Variants in CDAN1 observed in about 807,000 individuals in gnomAD.
CDAN1 encodes codanin 1.
Under a neutral mutation model 139.8 loss-of-function variants are expected in CDAN1, and 107 were observed. That is an observed-to-expected ratio of 0.77 (90% CI 0.65 to 0.90). CDAN1 has a LOEUF of 0.90. Among genes scored for constraint, CDAN1 ranks in the 40% least tolerant of loss-of-function variants. The pLI is 0.00. For synonymous variants in CDAN1, 776 were observed against 660.6 expected (o/e 1.17, Z -2.68); for missense variants, 1,667 against 1,575.7 (o/e 1.06, Z -0.98).
chr15:42,735,024 G>T, intron 6 of CDAN1, 76 bp downstream of exon 6: 1 of 982,830 alleles, frequency 1.0e-6, no homozygotes, highest in Non-Finnish European at 1.6e-6. Context: ...TTAAGCACCA[G>T]CATATATCCC....
Position 42,736,297 on chromosome 15 carries a change from C to A in CDAN1, c.569+5G>T. On this transcript the variant is annotated splice_donor_5th_base_variant and intron_variant, in intron 2 of 27. Coordinates refer to ENST00000356231, the MANE Select transcript of CDAN1 (RefSeq NM_138477.4). ...CCCATCTCCTGCATGAGAGCTGAGTCTCACCCTGTAGGGCCGGGGGGAACC... is the reference window on the plus strand; with the variant it reads ...CCCATCTCCTGCATGAGAGCTGAGTATCACCCTGTAGGGCCGGGGGGAACC... The A allele has an allele frequency of 6.2e-7, 1 of 1,613,570 alleles. No homozygotes were observed. Among genetic ancestry groups the A allele is most frequent in the South Asian group, 1.1e-5 (1 of 91,062 alleles).
At chr15:42,733,070 C>CAAGA (rs775021172) in intron 9 of CDAN1, 27 bp downstream of exon 9, 1 of 1,607,650 alleles carries the variant, frequency 6.2e-7, no homozygotes, top group Non-Finnish European at 8.5e-7. Context: ...TTGCCAGGAA[C>CAAGA]AAGAAAGACA....
At chr15:42,732,258 C>A (rs2140492302) in intron 10 of CDAN1, 75 bp downstream of exon 10, 1 of 1,395,264 alleles carries the variant, frequency 7.2e-7, no homozygotes, top group Non-Finnish European at 1.0e-6. Flanking sequence ...TGCCCTATCC[C>A]AAAGTGCAGC....
At chr15:42,733,007 GAA>G in intron 9 of CDAN1, 88 bp downstream of exon 9, 1 of 1,050,862 alleles carries the variant, frequency 9.5e-7, no homozygotes, top group Non-Finnish European at 1.4e-6. Context: ...TAGGAGCGGG[GAA>G]AACCTTCCCT....
At chr15:42,734,937 G>A (rs2061667940) in intron 6 of CDAN1, among the ~76,000 whole-genome samples, 163 bp downstream of exon 6, 1 of 151,874 alleles carries the variant, frequency 6.6e-6, no homozygotes, top group South Asian at 2.1e-4. Context: ...ATTCTTTCAG[G>A]GACTACATTC....
chr15:42,732,639 C>G (rs1337972707), intron 9 of CDAN1, among the ~76,000 whole-genome samples: 1 of 152,174 alleles, frequency 6.6e-6, no homozygotes, highest in Admixed American at 6.5e-5. Flanking sequence ...GACCACACCC[C>G]CCGACCGTCT....
rs2061498131 is a variant in CDAN1, at chr15:42,724,555, T to A, written c.3620A>T (p.Glu1207Val). The A allele has an allele frequency of 6.4e-7, 1 of 1,558,646 alleles. No individual in the cohort carries two copies. The highest frequency in any genetic ancestry group is 8.7e-7 in the Non-Finnish European group (1 of 1,150,366). ...NLFLAEPHLPEPQLRACELVQ... is the reference protein window; with the variant it reads ...NLFLAEPHLPVPQLRACELVQ... ...CAACTCACAGGCTCTTAGCTGGGGT[T>A]CTGGCAGGTGGGGCTCGGCTAGAAA... The change falls in exon 28 of 28, where the codon GAA (glutamate) becomes GTA (valine). Residue 1207 changes from glutamate (E) to valine (V), a missense_variant. Glu to Val is a moderately radical substitution (Grantham distance 121). Coordinates refer to ENST00000356231, the MANE Select transcript of CDAN1 (RefSeq NM_138477.4).
rs1056317538 is a variant in CDAN1 at position 42,734,266 on chromosome 15, T to C, written c.1217A>G (p.Gln406Arg). ...ERLLCFSPAL[Q>R]GRLRAAYEGS... The stretch of plus-strand genomic sequence containing the variant: ...CTCATAGGCAGCTCGAAGGCGGCCT[T>C]GCAGAGCTGGTGAGAAGCACAGCAG... The change falls in exon 7 of 28, where the codon CAA becomes CGA. Residue 406 changes from glutamine to arginine, a missense_variant. Around this residue, in one of 3 missense-constraint regions of CDAN1, gnomAD observed 244 missense variants for 309.4 expected, o/e 0.79. Transcript: ENST00000356231. The C allele has an allele frequency of 6.2e-7, 1 of 1,613,950 alleles. No homozygotes were observed. The highest frequency in any genetic ancestry group is 1.3e-5 in the African/African-American group (1 of 74,924).
chr15:42,736,347 A>C lies in CDAN1; in HGVS notation c.524T>G (p.Leu175Arg). The C allele has an allele frequency of 6.2e-7, 1 of 1,613,832 alleles. No homozygotes were observed. ...TLSDPPNLSN[L>R]EEFPPVGSVP... ...CGAGCCTACGGGAGGGAACTCCTCC[A>C]GGTTGCTGAGGTTTGGCGGATCAGA... is the stretch of plus-strand genomic sequence containing the variant. The change falls in exon 2 of 28, where the codon CTG (leucine) becomes CGG (arginine). Residue 175 changes from leucine (L) to arginine (R), a missense_variant. Transcript: ENST00000356231.
At chr15:42,732,221 T>A in intron 10 of CDAN1, 112 bp downstream of exon 10, 1 of 1,053,134 alleles carries the variant, frequency 9.5e-7, no homozygotes, top group South Asian at 1.3e-5. Flanking sequence ...CTTGTTCAAA[T>A]TCCAGCCCAG....
In CDAN1 at chr15:42,727,735, A is replaced by T. The variant is rs1423179286; in HGVS notation, c.2982T>A (p.Ser994Arg). 3 of 1,589,390 alleles carry T rather than the reference A, an allele frequency of 1.9e-6. No homozygotes were observed. In the South Asian group the frequency reaches 3.4e-5, roughly 18 times the overall value. The change falls in exon 23 of 28, where the codon AGT becomes AGA. Residue 994 changes from serine (S) to arginine (R), a missense_variant. By Grantham distance (110) the Ser-to-Arg change is moderately radical. This residue lies in a region of CDAN1 where 936 missense variants were observed against 844.1 expected (regional missense o/e 1.11). Coordinates refer to ENST00000356231, the MANE Select transcript of CDAN1 (RefSeq NM_138477.4). ...CAGGACCCTGGGCTCGAAGTGTGCG[A>T]CTCACTGCTGCTTTCACCTCCCTCC... is the stretch of plus-strand genomic sequence containing the variant. ...LIRREVKAAVSRTLRAQGPEP... is the reference protein window; with the variant it reads ...LIRREVKAAVRRTLRAQGPEP...
rs1249317499 is a variant in CDAN1 at position 42,732,413 on chromosome 15, G to A, written c.1458-5C>T. On this transcript the variant is annotated splice_polypyrimidine_tract_variant and splice_region_variant and intron_variant, in intron 9 of 27. Transcript: ENST00000356231. ...GAGAGCTGACCCATCATGGCCCTGA[G>A]GAATAGAAGGCAGGAATGAAGGGTG... The A allele has an allele frequency of 3.1e-6, 5 of 1,613,452 alleles. No homozygotes were observed. The highest frequency in any genetic ancestry group is 4.2e-6 in the Non-Finnish European group (5 of 1,179,460).
chr15:42,731,442 C>T (rs1188473974), intron 11 of CDAN1, 111 bp from the exon 12 acceptor site: 5 of 1,524,450 alleles, frequency 3.3e-6, no homozygotes, highest in Non-Finnish European at 4.5e-6. Flanking sequence ...CAGGGAGGCC[C>T]AGGAGCAATG....
At position 42,737,049 on chromosome 15, in the gene CDAN1, G is replaced by A. The variant is rs1345515985; in HGVS notation, c.54C>T (p.Val18=). The change falls in exon 1 of 28, where the codon GTC becomes GTT. Residue 18 remains valine (V), a synonymous_variant. Transcript: ENST00000356231. ...GGGTGCTGCGCGCGATCCACCGCAC[G>A]ACGGCTGCGACCGACACCTCTTCTC... ...LLREEVSVAA[V]VRWIARSTQG... 2.6e-6 allele frequency: 4 copies of A among 1,546,472 alleles called. No individual in the cohort carries two copies. The highest frequency in any genetic ancestry group is 1.2e-5 in the South Asian group (1 of 83,360).
rs759071854 is a variant in CDAN1, at chr15:42,731,348, G to A, written c.1740-17C>T. 2 of 1,613,188 alleles carry A rather than the reference G, an allele frequency of 1.2e-6. No homozygotes were observed. Among genetic ancestry groups the A allele is most frequent in the East Asian group, 4.5e-5 (2 of 44,872 alleles). On this transcript the variant is annotated splice_polypyrimidine_tract_variant and intron_variant, in intron 11 of 27. Transcript: ENST00000356231. ...AACTGGAAGCTGAGAAGAAGGGGTG[G>A]GTGGGGCATAAGCACTGGAAGAGGT...
chr15:42,734,099 C>G, intron 7 of CDAN1, 52 bp from the exon 8 acceptor site: 1 of 1,596,928 alleles, frequency 6.3e-7, no homozygotes, highest in South Asian at 1.1e-5. Context: ...GAGAAAACTT[C>G]TCCCTCTTAT....
In CDAN1 at chr15:42,727,741, T is replaced by C. The variant is rs1425181774; in HGVS notation, c.2976A>G (p.Ala992=). The C allele has an allele frequency of 5.7e-6, 9 of 1,590,892 alleles. No individual in the cohort carries two copies. Among genetic ancestry groups the C allele is most frequent in the African/African-American group, 4.0e-5 (3 of 74,566 alleles). The change falls in exon 23 of 28, where the codon GCA becomes GCG. Residue 992 remains alanine (A), a synonymous_variant. Coordinates refer to ENST00000356231, the MANE Select transcript of CDAN1 (RefSeq NM_138477.4). ...CCTGGGCTCGAAGTGTGCGACTCAC[T>C]GCTGCTTTCACCTCCCTCCTGATCA... ...TALIRREVKA[A]VSRTLRAQGP...
At chr15:42,735,474 A>C in intron 4 of CDAN1, 36 bp downstream of exon 4, 1 of 1,611,502 alleles carries the variant, frequency 6.2e-7, no homozygotes, top group Non-Finnish European at 8.5e-7. Flanking sequence ...AAGTTCTACA[A>C]GTGTCTCCAC....
At chr15:42,724,713 A>G (rs1006027052) in intron 27 of CDAN1, 97 bp from the exon 28 acceptor site, 56 of 1,442,128 alleles carry the variant, frequency 3.9e-5, no homozygotes, top group Non-Finnish European at 2.6e-5. Context: ...TGGCTATATT[A>G]TTTTTTCTCA....
Sources: allele counts gnomAD v4.1 joint callset (sites outside exome capture counted in the v4.1 genomes callset), GRCh38; gene constraint gnomAD v4.1.1; regional missense constraint gnomAD v4.1.1; transcripts MANE v1.5; gene names NCBI Gene and HGNC (gene_info 2026-07-23, HGNC 2026-07-21).